KCNH7: variants seen among roughly 807,000 people sequenced by gnomAD.
The protein encoded by KCNH7 is voltage-gated inwardly rectifying potassium channel KCNH7.
KCNH7 carries 49 observed loss-of-function variants against 120.8 expected under a neutral mutation model. The observed-to-expected ratio is 0.41, with a 90% CI of 0.32 to 0.51. The LOEUF (loss-of-function observed/expected upper bound fraction) is 0.51, where lower values mean the gene tolerates loss of function less well. Among genes scored for constraint, KCNH7 ranks in the 20% least tolerant of loss-of-function variants. The pLI is 0.38. For missense variants in KCNH7, 1,097 were observed against 1,446.6 expected (o/e 0.76, Z 3.92); for synonymous variants, 547 against 516.1 (o/e 1.06, Z -0.81).
At chr2:162,773,565 A>G (rs1161314628) in intron 2 of KCNH7, among the ~76,000 whole-genome samples, 1 of 150,966 alleles carries the variant, frequency 6.6e-6, no homozygotes, top group Non-Finnish European at 1.5e-5. Flanking sequence ...AAAGAAGAGC[A>G]AATAAAAATA....
At chr2:162,677,426 A>C (rs1685564122) in intron 2 of KCNH7, among the ~76,000 whole-genome samples, 2 of 151,472 alleles carry the variant, frequency 1.3e-5, no homozygotes, top group African/African-American at 4.8e-5. Flanking sequence ...ACCTCATTCA[A>C]GACCCCATCC....
intron 8 of KCNH7, 98 bp from the exon 9 acceptor site, chr2:162,423,633 T>A: frequency 9.4e-7 from 1 of 1,060,894 alleles, no homozygotes; most frequent in Non-Finnish European, 1.4e-6. Context: ...TATCTCAATC[T>A]AGTGGGGATT....
chr2:162,508,300 CCTT>C (rs1315073935), intron 5 of KCNH7, among the ~76,000 whole-genome samples: 1 of 150,818 alleles, frequency 6.6e-6, no homozygotes, highest in Non-Finnish European at 1.5e-5. Context: ...GGTAGAAAAA[CCTT>C]CTAAACTCTT....
chr2:162,521,337 G>T (rs1691513037), intron 3 of KCNH7, among the ~76,000 whole-genome samples: 1 of 151,822 alleles, frequency 6.6e-6, no homozygotes, highest in Non-Finnish European at 1.5e-5. Context: ...AATTGCTTTG[G>T]CCATAATAAT....
At chr2:162,414,564 G>A (rs1378048637) in intron 9 of KCNH7, among the ~76,000 whole-genome samples, 6 of 151,658 alleles carry the variant, frequency 4.0e-5, no homozygotes, top group Non-Finnish European at 8.8e-5. Context: ...GAGAAACATG[G>A]ACTGCACATA....
intron 6 of KCNH7, among the ~76,000 whole-genome samples, chr2:162,487,343 G>T (rs1156726861): frequency 2.0e-5 from 3 of 152,132 alleles, no homozygotes; most frequent in East Asian, 1.9e-4. Flanking sequence ...GAATGAAAAG[G>T]TTGTGCTATA....
At chr2:162,594,702 G>C in intron 2 of KCNH7, among the ~76,000 whole-genome samples, 1 of 150,684 alleles carries the variant, frequency 6.6e-6, no homozygotes, top group African/African-American at 2.5e-5. Flanking sequence ...CTTATTCCCT[G>C]AACAATACAA....
intron 2 of KCNH7, among the ~76,000 whole-genome samples, chr2:162,650,690 A>G (rs1684533324): frequency 6.7e-6 from 1 of 148,480 alleles, no homozygotes; most frequent in Non-Finnish European, 1.5e-5. Context: ...CTCAGTTGCC[A>G]ATTTTCATCC....
At chr2:162,829,164 T>C (rs190395155) in intron 2 of KCNH7, among the ~76,000 whole-genome samples, 1 of 152,286 alleles carries the variant, frequency 6.6e-6, no homozygotes, top group Admixed American at 6.5e-5. Flanking sequence ...ATAAGACGTA[T>C]TTCCTCACTA....
At chr2:162,498,316 CATTTAATTTAATTTA>C (rs56162627) in intron 6 of KCNH7, among the ~76,000 whole-genome samples, 11 of 148,482 alleles carry the variant, frequency 7.4e-5, no homozygotes, top group East Asian at 2.0e-4. Context: ...GGCCTTGTAG[CATTTAATTTAATTTA>C]ATTTAATTTA....
In KCNH7 at chr2:162,546,816, G is replaced by A. The variant is rs186325162; in HGVS notation, c.308-9736C>T. 4.0e-3 allele frequency among the ~76,000 whole-genome samples: 606 copies of A among 151,946 alleles called. 5 individuals are homozygous for A. Among genetic ancestry groups the A allele is most frequent in the African/African-American group, 0.014 (583 of 41,402 alleles). ...AAAGTACTATACCAGAAAATTGTAA[G>A]AGTTACAAACATGACTAAAAACAGG... On this transcript the variant is annotated intron_variant, in intron 2 of 15. Transcript: ENST00000332142.
intron 8 of KCNH7, among the ~76,000 whole-genome samples, chr2:162,426,444 T>A (rs1028445605): frequency 1.3e-5 from 2 of 152,176 alleles, no homozygotes; most frequent in African/African-American, 4.8e-5. Flanking sequence ...TGACAGACTA[T>A]GGATATCTAG....
intron 2 of KCNH7, among the ~76,000 whole-genome samples, chr2:162,738,066 T>G: frequency 2.4e-5 from 1 of 41,824 alleles, no homozygotes; most frequent in Admixed American, 3.0e-4. Flanking sequence ...AGACTTCATA[T>G]CAAAAAAAAA....
intron 2 of KCNH7, among the ~76,000 whole-genome samples, chr2:162,811,565 G>A (rs1559144846): frequency 1.3e-5 from 2 of 152,054 alleles, no homozygotes; most frequent in Non-Finnish European, 2.9e-5. Context: ...CGGAAACTAA[G>A]TTATTTTTGT....
intron 8 of KCNH7, among the ~76,000 whole-genome samples, chr2:162,434,071 C>T (rs1688159414): frequency 6.6e-6 from 1 of 152,014 alleles, no homozygotes. Context: ...AAAAGCATGT[C>T]CTTTGCAGCA....
Position 162,838,571 on chromosome 2 carries a change from G to T in KCNH7, c.-53C>A. 6.8e-7 allele frequency: 1 copy of T among 1,469,118 alleles called. No homozygotes were observed. Among genetic ancestry groups the T allele is most frequent in the Non-Finnish European group, 9.4e-7 (1 of 1,058,896 alleles). The allele number at this position is 1,469,118 out of a possible 1,614,324, so 91.0% of individuals were successfully genotyped here. A position where few individuals can be genotyped will look rare whatever the true frequency, so the allele number is the denominator to read the frequency against. On this transcript the variant is annotated 5_prime_UTR_variant, in exon 1 of 16. Transcript: ENST00000332142. The stretch of plus-strand genomic sequence containing the variant: ...CCCCCGGAGCTCTGGAGTTCTCCCG[G>T]GATCTCTCCTCGGCTAGAGCCCAGG...
At chr2:162,831,509 C>T (rs756572014) in intron 2 of KCNH7, among the ~76,000 whole-genome samples, 2 of 152,110 alleles carry the variant, frequency 1.3e-5, no homozygotes, top group Non-Finnish European at 2.9e-5. Flanking sequence ...AAAATGACAC[C>T]AAAGTTTCTA....
At chr2:162,784,115 G>A (rs973880330) in intron 2 of KCNH7, among the ~76,000 whole-genome samples, 3 of 151,946 alleles carry the variant, frequency 2.0e-5, no homozygotes, top group Admixed American at 6.6e-5. Flanking sequence ...TTTGGATTTT[G>A]TAAAATACAG....
chr2:162,636,424 G>A (rs1275399598), intron 2 of KCNH7, among the ~76,000 whole-genome samples: 1 of 152,096 alleles, frequency 6.6e-6, no homozygotes. Context: ...CTTCCTGCTA[G>A]CTGTTGGACT....
Sources: allele counts gnomAD v4.1 joint callset (sites outside exome capture counted in the v4.1 genomes callset), GRCh38; gene constraint gnomAD v4.1.1; transcripts MANE v1.5; gene names NCBI Gene and HGNC (gene_info 2026-07-23, HGNC 2026-07-21).